RAB38: variants seen among roughly 807,000 people sequenced by gnomAD.
RAB38 encodes the protein ras-related protein Rab-38.
In RAB38, 15 loss-of-function variants were observed where a neutral mutation model predicts 18.4. The ratio of observed to expected loss-of-function variants is 0.82; its 90% CI spans 0.55 to 1.26. RAB38 has a LOEUF of 1.26. Ranked by LOEUF, RAB38 falls within the 50% of genes most tolerant of loss-of-function variation. The pLI, the probability that RAB38 is intolerant of heterozygous loss-of-function variation, is 0.00. For synonymous variants in RAB38, 101 were observed against 104.4 expected, an observed-to-expected ratio of 0.97 and a Z score of 0.20; for missense variants, 294 against 267.4, an observed-to-expected ratio of 1.10 and a Z score of -0.69.
the RAB38 span, among the ~76,000 whole-genome samples, chr11:87,977,876 TAAAG>T: frequency 2.0e-5 from 2 of 100,780 alleles, no homozygotes; most frequent in Non-Finnish European, 3.7e-5. Context: ...CAAATATATA[TAAAG>T]ATGTAGTCAT....
chr11:87,896,979 T>C, the RAB38 span, among the ~76,000 whole-genome samples: 6 of 151,700 alleles, frequency 4.0e-5, no homozygotes, highest in African/African-American at 1.2e-4. Context: ...AGATTCCTTA[T>C]ACATTTTTCA....
At chr11:87,878,356 A>G in the RAB38 span, among the ~76,000 whole-genome samples, 4 of 150,270 alleles carry the variant, frequency 2.7e-5, no homozygotes, top group East Asian at 5.9e-4. Context: ...TCATCTGTCT[A>G]TCTATCATCT....
chr11:88,034,190 T>C, the RAB38 span, among the ~76,000 whole-genome samples: 4 of 152,372 alleles, frequency 2.6e-5, no homozygotes, highest in South Asian at 8.3e-4. Context: ...ACTCAGTATA[T>C]TTCCCTTTTA....
chr11:88,134,759 C>T (rs1942812396), intron 2 of RAB38, among the ~76,000 whole-genome samples: 2 of 152,178 alleles, frequency 1.3e-5, no homozygotes, highest in South Asian at 4.1e-4. Context: ...CACTATAATT[C>T]AGGTTCAACA....
the RAB38 span, among the ~76,000 whole-genome samples, chr11:88,063,757 T>A: frequency 3.3e-5 from 5 of 152,160 alleles, no homozygotes; most frequent in African/African-American, 9.7e-5. Context: ...CAGCACATGC[T>A]CTCTTGCCTG....
At chr11:87,886,783 C>T in the RAB38 span, among the ~76,000 whole-genome samples, 10 of 150,306 alleles carry the variant, frequency 6.7e-5, no homozygotes, top group African/African-American at 2.2e-4. Flanking sequence ...ACCACTTGAT[C>T]GAGCCGGGTT....
At chr11:87,894,798 T>C in the RAB38 span, among the ~76,000 whole-genome samples, 1 of 150,502 alleles carries the variant, frequency 6.6e-6, no homozygotes, top group Non-Finnish European at 1.5e-5. Flanking sequence ...CATATATATA[T>C]ATGAAACTAA....
the RAB38 span, among the ~76,000 whole-genome samples, chr11:87,843,243 T>A: frequency 2.6e-5 from 4 of 152,230 alleles, no homozygotes; most frequent in Non-Finnish European, 5.9e-5. Context: ...AAGCCTAGTC[T>A]ACATATGTTC....
At chr11:88,119,409 T>C (rs1197167606) in intron 2 of RAB38, among the ~76,000 whole-genome samples, 1 of 152,236 alleles carries the variant, frequency 6.6e-6, no homozygotes, top group Non-Finnish European at 1.5e-5. Context: ...ACACTTAAAA[T>C]GTACAGCCAA....
chr11:88,128,036 GA>G (rs1279908057), intron 2 of RAB38, among the ~76,000 whole-genome samples: 1 of 152,158 alleles, frequency 6.6e-6, no homozygotes, highest in Non-Finnish European at 1.5e-5. Context: ...AAAATGAGCT[GA>G]TTCAAATTTA....
chr11:88,135,532 T>C (rs207472134), intron 2 of RAB38, among the ~76,000 whole-genome samples: 3 of 152,358 alleles, frequency 2.0e-5, no homozygotes, highest in East Asian at 3.9e-4. Flanking sequence ...AGAGAAGATA[T>C]ATAATGGCAT....
chr11:87,848,877 ATTCT>A, the RAB38 span, among the ~76,000 whole-genome samples: 1 of 148,728 alleles, frequency 6.7e-6, no homozygotes, highest in East Asian at 2.0e-4. Context: ...GTAATTATTA[ATTCT>A]TTATTCACAT....
the RAB38 span, chr11:88,100,085 A>G: frequency 1.3e-5 from 2 of 151,832 alleles, no homozygotes; most frequent in Non-Finnish European, 2.9e-5. Flanking sequence ...CCTTCTCACT[A>G]GTGCACTTGA....
the RAB38 span, among the ~76,000 whole-genome samples, chr11:87,928,458 G>T: frequency 6.6e-6 from 1 of 151,928 alleles, no homozygotes; most frequent in Non-Finnish European, 1.5e-5. Flanking sequence ...TATTGTGTAT[G>T]ATTTTCATAA....
the RAB38 span, among the ~76,000 whole-genome samples, chr11:88,013,217 A>G: frequency 9.2e-5 from 14 of 152,336 alleles, no homozygotes; most frequent in East Asian, 1.9e-3. Flanking sequence ...TGGAGAATAT[A>G]AATTAGGAAC....
chr11:88,062,445 C>T, the RAB38 span, among the ~76,000 whole-genome samples: 15 of 152,172 alleles, frequency 9.9e-5, no homozygotes, highest in African/African-American at 3.6e-4. Flanking sequence ...ATTACCCAGT[C>T]TTGGGTATTT....
At chr11:87,805,272 C>A in the RAB38 span, among the ~76,000 whole-genome samples, 1 of 152,084 alleles carries the variant, frequency 6.6e-6, no homozygotes, top group South Asian at 2.1e-4. Context: ...GTGCAACTAT[C>A]TATGGACATC....
the RAB38 span, among the ~76,000 whole-genome samples, chr11:88,017,875 C>A: frequency 6.6e-6 from 1 of 151,736 alleles, no homozygotes; most frequent in Non-Finnish European, 1.5e-5. Flanking sequence ...GTGGGAGGGA[C>A]CTGGTAGGAG....
chr11:88,132,429 G>T (rs149990728), intron 2 of RAB38, among the ~76,000 whole-genome samples: 3 of 152,020 alleles, frequency 2.0e-5, no homozygotes, highest in South Asian at 4.1e-4. Flanking sequence ...AAATATAGAC[G>T]AACACAATTC....
Sources: allele counts gnomAD v4.1 joint callset (sites outside exome capture counted in the v4.1 genomes callset), GRCh38; gene constraint gnomAD v4.1.1; transcripts MANE v1.5; gene names NCBI Gene and HGNC (gene_info 2026-07-23, HGNC 2026-07-21).